The following PTPRD variants were observed in gnomAD, a reference collection of about 807,000 sequenced individuals.
PTPRD encodes the protein protein tyrosine phosphatase receptor type D.
A neutral mutation model predicts 214.5 loss-of-function variants in PTPRD; 34 were observed. That is an observed-to-expected ratio of 0.16 (90% CI 0.12 to 0.21). The LOEUF (loss-of-function observed/expected upper bound fraction) is 0.21, where lower values mean the gene tolerates loss of function less well. Among genes scored for constraint, PTPRD ranks in the 10% least tolerant of loss-of-function variants. The probability of loss-of-function intolerance (pLI) is 1.00; values close to 1 mark genes in which losing one functional copy is unlikely to be tolerated. For synonymous variants in PTPRD, 1,128 were observed against 845.7 expected (o/e 1.33, Z -5.79); for missense variants, 2,545 against 2,398.7 (o/e 1.06, Z -1.27).
At chr9:8,523,434 A>G in intron 19 of PTPRD, 79 bp downstream of exon 19, 2 of 1,506,596 alleles carry the variant, frequency 1.3e-6, no homozygotes, top group Non-Finnish European at 1.8e-6. Flanking sequence ...ATGCAGCTAC[A>G]TTCATTTCAT....
At chr9:9,279,285 A>T (rs1418593707) in intron 9 of PTPRD, among the ~76,000 whole-genome samples, 1 of 149,026 alleles carries the variant, frequency 6.7e-6, no homozygotes, top group African/African-American at 2.4e-5. Flanking sequence ...ATATACACAG[A>T]TGTTATATAT....
At chr9:8,978,904 A>T (rs57577477) in intron 11 of PTPRD, among the ~76,000 whole-genome samples, 10,767 of 152,218 alleles carry the variant, frequency 0.071, 724 homozygotes, top group East Asian at 0.27. Context: ...TTGCAAGGCA[A>T]TGCACATGTA....
intron 8 of PTPRD, among the ~76,000 whole-genome samples, chr9:9,531,941 T>A (rs2154264695): frequency 6.6e-6 from 1 of 151,996 alleles, no homozygotes; most frequent in African/African-American, 2.4e-5. Flanking sequence ...ATTACTGATA[T>A]ATACACACAT....
rs182970405 is a variant in PTPRD at position 8,839,475 on chromosome 9, C to T, written c.-103-105529G>A. On this transcript the variant is annotated intron_variant, in intron 11 of 45. Coordinates refer to ENST00000381196, the MANE Select transcript of PTPRD (RefSeq NM_002839.4). ...GAACAGCTGGGACTACAGGCGGGCACCACCATCCCTGGCTAATTTTTGTAT... is the reference window on the plus strand; with the variant it reads ...GAACAGCTGGGACTACAGGCGGGCATCACCATCCCTGGCTAATTTTTGTAT... 3.3e-5 allele frequency among the ~76,000 whole-genome samples: 5 copies of T among 152,250 alleles called. No individual in the cohort carries two copies. In the East Asian group the frequency reaches 5.8e-4, roughly 18 times the overall value.
intron 9 of PTPRD, among the ~76,000 whole-genome samples, chr9:9,331,645 G>A (rs139260190): frequency 5.3e-5 from 8 of 152,132 alleles, no homozygotes; most frequent in Non-Finnish European, 8.8e-5. Context: ...GATTCTCAGA[G>A]TGTACCAATA....
intron 3 of PTPRD, among the ~76,000 whole-genome samples, chr9:10,059,952 G>A (rs961639822): frequency 1.3e-5 from 2 of 151,950 alleles, no homozygotes; most frequent in African/African-American, 4.8e-5. Flanking sequence ...ATGTAAGTAA[G>A]ATTATTATAT....
intron 5 of PTPRD, among the ~76,000 whole-genome samples, chr9:9,900,082 A>G (rs986000328): frequency 1.3e-5 from 2 of 152,184 alleles, no homozygotes; most frequent in Non-Finnish European, 2.9e-5. Flanking sequence ...GAAACACTTA[A>G]TATCATGCAA....
chr9:8,449,615 G>T, intron 34 of PTPRD, 110 bp downstream of exon 34: 2 of 994,170 alleles, frequency 2.0e-6, no homozygotes, highest in South Asian at 2.1e-5. Flanking sequence ...AAAAGAGCAG[G>T]ATGAACAAAA....
intron 4 of PTPRD, among the ~76,000 whole-genome samples, chr9:10,002,347 T>TA (rs34488355): frequency 8.2e-5 from 12 of 146,756 alleles, no homozygotes; most frequent in Admixed American, 5.5e-4. Flanking sequence ...TATATATATA[T>TA]TTATATAAAG....
chr9:8,398,347 C>T (rs1384728864), intron 36 of PTPRD, among the ~76,000 whole-genome samples: 1 of 152,122 alleles, frequency 6.6e-6, no homozygotes, highest in Non-Finnish European at 1.5e-5. Context: ...TCTGCAGAAG[C>T]AAGCAGAGCT....
At chr9:10,360,517 A>G (rs1260074626) in intron 2 of PTPRD, among the ~76,000 whole-genome samples, 1 of 152,238 alleles carries the variant, frequency 6.6e-6, no homozygotes, top group Non-Finnish European at 1.5e-5. Flanking sequence ...AAGGCAAAGT[A>G]TTGGAAAGGA....
At chr9:9,770,017 A>G (rs2098739394) in intron 5 of PTPRD, among the ~76,000 whole-genome samples, 2 of 152,184 alleles carry the variant, frequency 1.3e-5, no homozygotes, top group South Asian at 2.1e-4. Flanking sequence ...ACTGATGGGC[A>G]TTTGGGTTGG....
Position 10,573,157 on chromosome 9 carries a change from A to G in PTPRD, c.-600+39241T>C, listed in dbSNP as rs115865168. ...CCAACACCTCCCCCACAAAAATAGA[A>G]CAAGATTCTCAACTCCTGAATTTAG... On this transcript the variant is annotated intron_variant, in intron 2 of 45. Coordinates refer to ENST00000381196, the MANE Select transcript of PTPRD (RefSeq NM_002839.4). Among the ~76,000 whole-genome samples the G allele has an allele frequency of 4.4e-3, 670 of 152,252 alleles. 6 individuals are homozygous for G. Among genetic ancestry groups the G allele is most frequent in the African/African-American group, 0.015 (630 of 41,556 alleles).
intron 11 of PTPRD, among the ~76,000 whole-genome samples, chr9:8,738,066 T>A (rs1441532325): frequency 6.6e-6 from 1 of 152,200 alleles, no homozygotes; most frequent in Admixed American, 6.5e-5. Flanking sequence ...CACAAAGATC[T>A]TATGAAACAA....
chr9:9,682,815 T>C (rs1324120833), intron 7 of PTPRD, among the ~76,000 whole-genome samples: 2 of 151,766 alleles, frequency 1.3e-5, no homozygotes, highest in African/African-American at 4.8e-5. Flanking sequence ...GTCCAAATAC[T>C]GCCTATCAGT....
chr9:8,535,873 G>A lies in PTPRD; in HGVS notation c.353-7094C>T, dbSNP rs116018401. Among the ~76,000 whole-genome samples, 723 of 152,004 alleles carry A rather than the reference G, an allele frequency of 4.8e-3. 7 individuals are homozygous for A. Among genetic ancestry groups the A allele is most frequent in the African/African-American group, 0.017 (695 of 41,512 alleles). ...CTCTGGAGAGGGGAAATCTCTCGAT[G>A]AGATTTGTCTAATATGATGCTCTTA... is the stretch of plus-strand genomic sequence containing the variant. On this transcript the variant is annotated intron_variant, in intron 14 of 45. Transcript: ENST00000381196.
chr9:8,685,914 C>A (rs984511204), intron 12 of PTPRD, among the ~76,000 whole-genome samples: 1 of 152,162 alleles, frequency 6.6e-6, no homozygotes, highest in Non-Finnish European at 1.5e-5. Context: ...AGACTCAAGC[C>A]AGATTGGACA....
intron 11 of PTPRD, among the ~76,000 whole-genome samples, chr9:8,970,392 T>C (rs1460071967): frequency 1.3e-5 from 2 of 151,846 alleles, no homozygotes; most frequent in African/African-American, 4.8e-5. Flanking sequence ...AGAAACTTGG[T>C]CTTGACTTGT....
intron 10 of PTPRD, among the ~76,000 whole-genome samples, chr9:9,119,924 G>C (rs1280244968): frequency 1.3e-5 from 2 of 151,626 alleles, no homozygotes; most frequent in Admixed American, 6.6e-5. Flanking sequence ...ACTCTGACTA[G>C]ATCGCTATGC....
Sources: allele counts gnomAD v4.1 joint callset (sites outside exome capture counted in the v4.1 genomes callset), GRCh38; gene constraint gnomAD v4.1.1; transcripts MANE v1.5; gene names NCBI Gene and HGNC (gene_info 2026-07-23, HGNC 2026-07-21).